Variants in CREB5 observed in about 807,000 individuals in gnomAD.
CREB5 encodes cAMP responsive element binding protein 5.
In CREB5, 19 loss-of-function variants were observed where a neutral mutation model predicts 57.1. The observed-to-expected ratio is 0.33, with a 90% CI of 0.23 to 0.49. The LOEUF is 0.49. CREB5 is among the 20% of genes least tolerant of loss of function. The pLI, the probability that CREB5 is intolerant of heterozygous loss-of-function variation, is 0.99. For synonymous variants in CREB5, 238 were observed against 238.3 expected (o/e 1.00, Z 0.01); for missense variants, 579 against 671.6 (o/e 0.86, Z 1.52).
In CREB5 at chr7:28,792,565, C is replaced by T. The variant is rs144042527; in HGVS notation, c.703-11634C>T. On this transcript the variant is annotated intron_variant, in intron 7 of 10. Transcript: ENST00000357727. The stretch of plus-strand genomic sequence containing the variant: ...GCATAATTCAAAAGCTCTTCTTAAG[C>T]GTAACTTTCTAGACACACACACGGC... 4.6e-5 allele frequency among the ~76,000 whole-genome samples: 7 copies of T among 152,248 alleles called. No homozygotes were observed. In the East Asian group the frequency reaches 1.4e-3, roughly 29 times the overall value.
intron 7 of CREB5, among the ~76,000 whole-genome samples, chr7:28,774,719 A>T (rs1583713838): frequency 6.6e-6 from 1 of 152,232 alleles, no homozygotes; most frequent in Non-Finnish European, 1.5e-5. Context: ...CTGCTATAGA[A>T]TGTTACTCAA....
At chr7:28,551,941 CTCTT>C (rs1231183112) in intron 4 of CREB5, among the ~76,000 whole-genome samples, 1 of 114,938 alleles carries the variant, frequency 8.7e-6, no homozygotes. Context: ...TCTTTTTTCT[CTCTT>C]TTTTATTCTT....
chr7:28,804,561 CCTT>C lies in CREB5; in HGVS notation c.1026+43_1026+45del, dbSNP rs779026353. On this transcript the variant is annotated intron_variant, in intron 8 of 10. Coordinates refer to ENST00000357727, the MANE Select transcript of CREB5 (RefSeq NM_182898.4). The stretch of plus-strand genomic sequence containing the variant: ...GTGATCTCTTTCCCCTTCTTATTCT[CCTT>C]CTTAACAGTGCAAGCTCTAATGCTG... The C allele has an allele frequency of 1.4e-5, 22 of 1,599,742 alleles. No homozygotes were observed. The African/African-American group carries it at 2.4e-4, about 18-fold the overall frequency.
intron 1 of CREB5, among the ~76,000 whole-genome samples, chr7:28,376,270 AC>A (rs1786822013): frequency 7.9e-6 from 1 of 127,096 alleles, no homozygotes; most frequent in Non-Finnish European, 1.7e-5. Context: ...CCAGAGAAGT[AC>A]TTTTTTTTTT....
At chr7:28,639,920 C>T (rs538296317) in intron 5 of CREB5, among the ~76,000 whole-genome samples, 97 of 152,204 alleles carry the variant, frequency 6.4e-4, no homozygotes, top group Admixed American at 1.2e-3. Flanking sequence ...CAAAAAATGA[C>T]GGCACACACA....
At chr7:28,650,845 G>A (rs1799099767) in intron 5 of CREB5, among the ~76,000 whole-genome samples, 1 of 152,080 alleles carries the variant, frequency 6.6e-6, no homozygotes, top group Non-Finnish European at 1.5e-5. Context: ...GGTGATTTTA[G>A]TCATCTTTGA....
At chr7:28,453,164 G>A (rs4722799) in intron 1 of CREB5, among the ~76,000 whole-genome samples, 30,594 of 152,114 alleles carry the variant, frequency 0.2, 3,281 homozygotes, top group Non-Finnish European at 0.22. Context: ...TTGGCCGGGC[G>A]TGGTGGCTTA....
At chr7:28,674,475 T>C (rs1159176866) in intron 5 of CREB5, among the ~76,000 whole-genome samples, 1 of 152,224 alleles carries the variant, frequency 6.6e-6, no homozygotes, top group Non-Finnish European at 1.5e-5. Context: ...CCTCTTACTG[T>C]GAGAGTATCC....
chr7:28,698,947 A>G (rs542135733), intron 5 of CREB5, among the ~76,000 whole-genome samples: 3 of 152,286 alleles, frequency 2.0e-5, no homozygotes, highest in African/African-American at 7.2e-5. Flanking sequence ...TATGCCTTTT[A>G]CAGGCTGACC....
intron 8 of CREB5, among the ~76,000 whole-genome samples, chr7:28,808,240 C>T (rs1368573163): frequency 6.6e-6 from 1 of 152,192 alleles, no homozygotes; most frequent in African/African-American, 2.4e-5. Context: ...GGCAGGCAGG[C>T]CCGGCTGGAG....
chr7:28,524,308 C>T (rs1253224016), intron 4 of CREB5, among the ~76,000 whole-genome samples: 2 of 135,756 alleles, frequency 1.5e-5, no homozygotes, highest in Admixed American at 8.1e-5. Flanking sequence ...GAAACCTCGC[C>T]TCTACTAAAC....
chr7:28,746,049 A>G (rs1269709536), intron 7 of CREB5, among the ~76,000 whole-genome samples: 1 of 152,182 alleles, frequency 6.6e-6, no homozygotes, highest in African/African-American at 2.4e-5. Context: ...ATATTTTCTC[A>G]TTCTGAGGGG....
At chr7:28,641,012 C>G (rs768197677) in intron 5 of CREB5, among the ~76,000 whole-genome samples, 28 of 152,094 alleles carry the variant, frequency 1.8e-4, no homozygotes, top group Admixed American at 7.2e-4. Context: ...TTGGTTTTCC[C>G]CAAATGATTG....
chr7:28,746,165 C>A (rs936078409), intron 7 of CREB5, among the ~76,000 whole-genome samples: 3 of 152,100 alleles, frequency 2.0e-5, no homozygotes, highest in Non-Finnish European at 4.4e-5. Flanking sequence ...TGCAATGAGC[C>A]CCCTTTTTAG....
chr7:28,364,780 A>G (rs571158812), intron 1 of CREB5, among the ~76,000 whole-genome samples: 1 of 152,314 alleles, frequency 6.6e-6, no homozygotes, highest in East Asian at 1.9e-4. Context: ...TAGAGGTAGA[A>G]TAGCTGTCCT....
chr7:28,532,010 G>A (rs577344670), intron 4 of CREB5, among the ~76,000 whole-genome samples: 3 of 152,256 alleles, frequency 2.0e-5, no homozygotes, highest in East Asian at 3.9e-4. Context: ...GCCTGGCAAC[G>A]GAGCAAGACT....
intron 4 of CREB5, among the ~76,000 whole-genome samples, chr7:28,539,642 C>T (rs185572550): frequency 1.3e-5 from 2 of 152,326 alleles, no homozygotes; most frequent in South Asian, 2.1e-4. Context: ...TGCCTTTGGA[C>T]TCCTACAGCC....
intron 4 of CREB5, among the ~76,000 whole-genome samples, chr7:28,543,277 C>T (rs1406196973): frequency 3.3e-5 from 5 of 152,148 alleles, no homozygotes. Flanking sequence ...CAAAGTGCTT[C>T]CCCCACAGGT....
intron 1 of CREB5, among the ~76,000 whole-genome samples, chr7:28,430,130 C>G (rs1165133116): frequency 6.6e-6 from 1 of 152,068 alleles, no homozygotes; most frequent in African/African-American, 2.4e-5. Flanking sequence ...AAACACACAC[C>G]CTGGCTCCAT....
Sources: allele counts gnomAD v4.1 joint callset (sites outside exome capture counted in the v4.1 genomes callset), GRCh38; gene constraint gnomAD v4.1.1; transcripts MANE v1.5; gene names NCBI Gene and HGNC (gene_info 2026-07-23, HGNC 2026-07-21).